The following ATP8A1 variants were observed in gnomAD, a reference collection of about 807,000 sequenced individuals.
ATP8A1 encodes ATPase phospholipid transporting 8A1, also known as phospholipid-transporting ATPase IA.
ATP8A1 carries 90 observed loss-of-function variants against 177.7 expected under a neutral mutation model. The observed-to-expected ratio is 0.51, with a 90% CI of 0.43 to 0.60. The LOEUF (loss-of-function observed/expected upper bound fraction) is 0.60. ATP8A1 is among the 20% of genes least tolerant of loss of function. ATP8A1 has a pLI of 0.00. For missense variants in ATP8A1, 1,072 were observed against 1,392.8 expected (o/e 0.77, Z 3.67); for synonymous variants, 493 against 485.9 (o/e 1.01, Z -0.19).
chr4:42,590,630 A>G (rs1185426127), intron 7 of ATP8A1, among the ~76,000 whole-genome samples, 181 bp downstream of exon 7: 1 of 152,194 alleles, frequency 6.6e-6, no homozygotes, highest in Non-Finnish European at 1.5e-5. Flanking sequence ...GACAAGCATC[A>G]GTCAACATAG....
At chr4:42,569,246 A>C (rs1731669600) in intron 14 of ATP8A1, 41 bp from the exon 15 acceptor site, 1 of 1,532,844 alleles carries the variant, frequency 6.5e-7, no homozygotes, top group Non-Finnish European at 8.9e-7. Context: ...GAGGAAAAAT[A>C]ATCACAGAAA....
Position 42,421,697 on chromosome 4 carries a change from T to C in ATP8A1, c.3305+1110A>G, listed in dbSNP as rs1159866813. On this transcript the variant is annotated intron_variant, in intron 35 of 36. Transcript: ENST00000381668. ...GGTCTCACTGAGTTCTGACAACTAC[T>C]CCATTGTGTCAAAATGGATAACAAC... Among the ~76,000 whole-genome samples the C allele has an allele frequency of 2.0e-5, 3 of 152,120 alleles. No individual in the cohort carries two copies. The East Asian group carries it at 5.8e-4, about 29-fold the overall frequency.
chr4:42,656,762 C>CA, intron 1 of ATP8A1, 63 bp downstream of exon 1: 1 of 1,449,972 alleles, frequency 6.9e-7, no homozygotes. Flanking sequence ...GATAAACACA[C>CA]ACGCTCACAC....
chr4:42,535,250 C>G (rs1727690063), intron 20 of ATP8A1, among the ~76,000 whole-genome samples: 1 of 152,024 alleles, frequency 6.6e-6, no homozygotes, highest in South Asian at 2.1e-4. Context: ...GCTCATAAAA[C>G]TTAAGGTAAA....
chr4:42,611,434 C>A (rs17532455), intron 5 of ATP8A1, among the ~76,000 whole-genome samples: 26,835 of 152,130 alleles, frequency 0.18, 2,532 homozygotes, highest in Non-Finnish European at 0.21. Flanking sequence ...TAGCATCAAA[C>A]CAGTTGATCA....
At chr4:42,623,115 T>C (rs1737668361) in intron 4 of ATP8A1, among the ~76,000 whole-genome samples, 1 of 151,752 alleles carries the variant, frequency 6.6e-6, no homozygotes, top group South Asian at 2.1e-4. Context: ...CACCAATTAT[T>C]AGAGAAATGC....
At chr4:42,591,196 C>T (rs1004687044) in intron 6 of ATP8A1, among the ~76,000 whole-genome samples, 2 of 151,880 alleles carry the variant, frequency 1.3e-5, no homozygotes, top group African/African-American at 4.8e-5. Context: ...TAGAGAACTA[C>T]ATTATAGTCT....
chr4:42,523,687 TAG>T (rs1726378855), intron 21 of ATP8A1, among the ~76,000 whole-genome samples: 2 of 152,072 alleles, frequency 1.3e-5, no homozygotes, highest in Non-Finnish European at 2.9e-5. Context: ...ACATCACATC[TAG>T]AGAGGAGAAA....
rs778022629 is a variant in ATP8A1, at chr4:42,448,396, C to CTTTACTTTTTTTTTTTTTTTTTTTT, written c.2897-1753_2897-1752insAAAAAAAAAAAAAAAAAAAAGTAAA. The stretch of plus-strand genomic sequence containing the variant: ...GTAGCCTCCCTCCCTCCTTCTCTTT[C>CTTTACTTTTTTTTTTTTTTTTTTTT]TTTTCTTTTTTTTTTTTTTGAGATG... On this transcript the variant is annotated intron_variant, in intron 30 of 36. Transcript: ENST00000381668. Among the ~76,000 whole-genome samples the CTTTACTTTTTTTTTTTTTTTTTTTT allele has an allele frequency of 5.6e-3, 468 of 84,000 alleles. 90 individuals carry two copies. The highest frequency in any genetic ancestry group is 6.4e-3 in the Non-Finnish European group (280 of 43,598). The allele number at this position is 84,000 out of a possible 152,430, so 55.1% of individuals were successfully genotyped here. A position where few individuals can be genotyped will look rare whatever the true frequency, so the allele number is the denominator to read the frequency against.
intron 5 of ATP8A1, among the ~76,000 whole-genome samples, chr4:42,614,877 T>C (rs1736743506): frequency 6.6e-6 from 1 of 152,194 alleles, no homozygotes; most frequent in Non-Finnish European, 1.5e-5. Context: ...TCTCTGTTCA[T>C]CCAATGTCCT....
chr4:42,519,847 A>G (rs1227282860), intron 22 of ATP8A1, among the ~76,000 whole-genome samples: 1 of 152,182 alleles, frequency 6.6e-6, no homozygotes, highest in African/African-American at 2.4e-5. Context: ...TTTAGGTAAA[A>G]AACAGTCATA....
At chr4:42,428,069 A>G (rs533676670) in intron 33 of ATP8A1, among the ~76,000 whole-genome samples, 2 of 152,376 alleles carry the variant, frequency 1.3e-5, no homozygotes, top group South Asian at 4.1e-4. Context: ...TGCTGTTCAC[A>G]GATTGTAATT....
At position 42,581,657 on chromosome 4, in the gene ATP8A1, T is replaced by C. The variant is rs182056228; in HGVS notation, c.798A>G (p.Ile266Met). ...TGGTGTCATGTCCAGTGTAGACAACTATTCCATGAACCCACTGTGTATTTC... is the reference window on the plus strand; with the variant it reads ...TGGTGTCATGTCCAGTGTAGACAACCATTCCATGAACCCACTGTGTATTTC... ...QLRNTQWVHGIVVYTGHDTKL... is the reference protein window; with the variant it reads ...QLRNTQWVHGMVVYTGHDTKL... The change falls in exon 10 of 37, where the codon ATA becomes ATG. Residue 266 changes from isoleucine to methionine, a missense_variant. Around this residue, in one of 5 missense-constraint regions of ATP8A1, gnomAD observed 344 missense variants for 393.5 expected, o/e 0.87. Transcript: ENST00000381668. The C allele has an allele frequency of 4.3e-6, 7 of 1,614,158 alleles. No homozygotes were observed. The East Asian group carries it at 1.6e-4, about 36-fold the overall frequency.
intron 10 of ATP8A1, among the ~76,000 whole-genome samples, chr4:42,580,861 A>G (rs1207008502): frequency 6.6e-6 from 1 of 152,208 alleles, no homozygotes; most frequent in African/African-American, 2.4e-5. Flanking sequence ...CTGATGGCAA[A>G]AATAGCCTTA....
At chr4:42,642,602 C>T (rs1398317086) in intron 1 of ATP8A1, among the ~76,000 whole-genome samples, 1 of 152,168 alleles carries the variant, frequency 6.6e-6, no homozygotes, top group Non-Finnish European at 1.5e-5. Flanking sequence ...GACACCTACA[C>T]ATGTGTGAGA....
intron 1 of ATP8A1, among the ~76,000 whole-genome samples, chr4:42,640,092 C>G (rs1174291100): frequency 2.0e-5 from 3 of 152,170 alleles, no homozygotes; most frequent in Non-Finnish European, 4.4e-5. Flanking sequence ...GCCACCTGCA[C>G]TCTCCCAGTG....
At chr4:42,516,012 T>C (rs1272356876) in intron 22 of ATP8A1, among the ~76,000 whole-genome samples, 2 of 152,210 alleles carry the variant, frequency 1.3e-5, no homozygotes, top group Non-Finnish European at 2.9e-5. Context: ...AAGCATGAAC[T>C]AGATTTGTTA....
chr4:42,590,840 G>A lies in ATP8A1; in HGVS notation c.495C>T (p.Leu165=). Residue 165 remains leucine (L), a synonymous_variant, in exon 7 of 37, where the codon CTC becomes CTT. Coordinates refer to ENST00000381668, the MANE Select transcript of ATP8A1 (RefSeq NM_006095.2). ...AGGACAGACTGATGAGATCTGCTGG[G>A]AGATGTTCCCCATTGGTCACTTTCA... The part of the protein sequence containing the change: ...EIVKVTNGEH[L]PADLISLSSS... 1.2e-6 allele frequency: 2 copies of A among 1,613,230 alleles called. No homozygotes were observed. The highest frequency in any genetic ancestry group is 1.7e-6 in the Non-Finnish European group (2 of 1,179,846).
intron 29 of ATP8A1, among the ~76,000 whole-genome samples, chr4:42,452,653 T>A (rs1200427088): frequency 6.6e-6 from 1 of 152,240 alleles, no homozygotes; most frequent in African/African-American, 2.4e-5. Flanking sequence ...CCAAGTTTTG[T>A]ATAATTATAA....
Sources: gnomAD v4.1 joint callset for allele counts (sites outside exome capture counted in the v4.1 genomes callset) on GRCh38, gnomAD v4.1.1 for gene constraint, gnomAD v4.1.1 regional missense constraint, MANE v1.5 for transcripts, NCBI Gene and HGNC (gene_info 2026-07-23, HGNC 2026-07-21) for gene names.